The following KCNH2 variants were observed in gnomAD, a reference collection of about 807,000 sequenced individuals.
The protein encoded by KCNH2 is potassium voltage-gated channel subfamily H member 2.
A neutral mutation model predicts 95.9 loss-of-function variants in KCNH2; 35 were observed. The ratio of observed to expected loss-of-function variants is 0.37; its 90% CI spans 0.28 to 0.48. KCNH2 has a LOEUF of 0.48. Among genes scored for constraint, KCNH2 ranks in the 20% least tolerant of loss-of-function variants. KCNH2 has a pLI of 0.99. For missense variants in KCNH2, 1,274 were observed against 1,702.9 expected, an observed-to-expected ratio of 0.75 and a Z score of 4.43; for synonymous variants, 786 against 754.7, an observed-to-expected ratio of 1.04 and a Z score of -0.68.
At position 150,946,405 on chromosome 7, in the gene KCNH2, G is replaced by A. The variant is rs1025713168; in HGVS notation, c.3330+472C>T. Reference sequence around the variant, plus strand: ...GACAGCCACTGCCAAGGGCAAGGATGGGCAGGACGGTGAGACCAGGGAGTG... The same window carrying A: ...GACAGCCACTGCCAAGGGCAAGGATAGGCAGGACGGTGAGACCAGGGAGTG... On this transcript the variant is annotated intron_variant, in intron 14 of 14. Coordinates refer to ENST00000262186, the MANE Select transcript of KCNH2 (RefSeq NM_000238.4). The surrounding 1 kb of genome is among the most constrained non-coding windows in gnomAD (Gnocchi z 6.5). 3.3e-5 allele frequency among the ~76,000 whole-genome samples: 5 copies of A among 152,212 alleles called. No individual in the cohort carries two copies. The highest frequency in any genetic ancestry group is 7.4e-5 in the Non-Finnish European group (5 of 68,026).
chr7:150,976,105 G>T (rs1050988074), intron 1 of KCNH2, among the ~76,000 whole-genome samples: 1 of 152,188 alleles, frequency 6.6e-6, no homozygotes, highest in Non-Finnish European at 1.5e-5. Context: ...AGAAGTTTCC[G>T]GCCACTTTGG....
At chr7:150,958,539 C>G (rs1454818299) in intron 3 of KCNH2, 37 bp from the exon 4 acceptor site, 2 of 1,458,732 alleles carry the variant, frequency 1.4e-6, no homozygotes, top group African/African-American at 2.9e-5. Context: ...GTGGGGATCG[C>G]GAGCAGCCCC....
At chr7:150,950,486 C>T (rs984458584) in intron 8 of KCNH2, 66 bp from the exon 9 acceptor site, 90 of 1,573,916 alleles carry the variant, frequency 5.7e-5, no homozygotes, top group Non-Finnish European at 7.2e-5. Flanking sequence ...CACTCTACTC[C>T]ACCATCCCAC....
chr7:150,949,087 G>C lies in KCNH2; in HGVS notation c.2399-38C>G, dbSNP rs781226855. 8 of 1,586,290 alleles carry C rather than the reference G, an allele frequency of 5.0e-6. No individual in the cohort carries two copies. In the Admixed American group the frequency reaches 1.4e-4, roughly 27 times the overall value. On this transcript the variant is annotated intron_variant, in intron 9 of 14. Coordinates refer to ENST00000262186, the MANE Select transcript of KCNH2 (RefSeq NM_000238.4). Reference sequence around the variant, plus strand: ...GAGAGGACAGGGAGCTCAGCCCCGGGGGGCGGCATCCAGGCAGCAGGCACC... The same window carrying C: ...GAGAGGACAGGGAGCTCAGCCCCGGCGGGCGGCATCCAGGCAGCAGGCACC...
At chr7:150,973,349 T>C (rs955393064) in intron 2 of KCNH2, among the ~76,000 whole-genome samples, 10 of 152,202 alleles carry the variant, frequency 6.6e-5, no homozygotes, top group Non-Finnish European at 1.2e-4. Flanking sequence ...CAACTGCTAT[T>C]TTCTAGCTGT....
intron 2 of KCNH2, among the ~76,000 whole-genome samples, chr7:150,974,204 G>A (rs1327874667): frequency 6.6e-6 from 1 of 152,188 alleles, no homozygotes; most frequent in Non-Finnish European, 1.5e-5. Context: ...CGCAGGGCAG[G>A]AGGGGGGCAG....
In KCNH2 at chr7:150,945,828, A is replaced by C. The variant is rs1165294197; in HGVS notation, c.3331-314T>G. 6.6e-6 allele frequency among the ~76,000 whole-genome samples: 1 copy of C among 152,232 alleles called. No individual in the cohort carries two copies. Among genetic ancestry groups the C allele is most frequent in the Non-Finnish European group, 1.5e-5 (1 of 68,042 alleles). ...CCGAGGGAATGTGGCCGCTGAGCCC[A>C]ACCCAACCTGGAACAAGCAGTCTCT... is the stretch of plus-strand genomic sequence containing the variant. On this transcript the variant is annotated intron_variant, in intron 14 of 14. Transcript: ENST00000262186. The surrounding 1 kb of genome is among the most constrained non-coding windows in gnomAD (Gnocchi z 5.6).
chr7:150,965,418 C>T (rs1023574638), intron 2 of KCNH2, among the ~76,000 whole-genome samples: 22 of 152,130 alleles, frequency 1.4e-4, no homozygotes, highest in African/African-American at 5.3e-4. Context: ...GGGTGGTGCA[C>T]GAACTGGAAG....
rs998525521 is a variant in KCNH2 at position 150,961,393 on chromosome 7, G to A, written c.308-1657C>T. 6.6e-6 allele frequency among the ~76,000 whole-genome samples: 1 copy of A among 151,908 alleles called. No homozygotes were observed. Among genetic ancestry groups the A allele is most frequent in the East Asian group, 1.9e-4 (1 of 5,180 alleles). On this transcript the variant is annotated intron_variant, in intron 2 of 14. Coordinates refer to ENST00000262186, the MANE Select transcript of KCNH2 (RefSeq NM_000238.4). The surrounding 1 kb of genome is among the most constrained non-coding windows in gnomAD (Gnocchi z 6.2). ...GCTCACTGCAACCTCTGCCTCCCAG[G>A]TCCAAGTGATTCTCCTGCCTCAGCC...
In KCNH2 at chr7:150,977,929, GGGCC is replaced by G; in HGVS notation, c.-20_-17del. On this transcript the variant is annotated 5_prime_UTR_variant, in exon 1 of 15. Coordinates refer to ENST00000262186, the MANE Select transcript of KCNH2 (RefSeq NM_000238.4). ...GCACCGGCATCCTGAGCCCATGGGC[GGGCC>G]GGGCGGGCCCCCACCCACCCCGGCC... 1 of 1,576,598 alleles carries G rather than the reference GGGCC, an allele frequency of 6.3e-7. No individual in the cohort carries two copies. Among genetic ancestry groups the G allele is most frequent in the Non-Finnish European group, 8.6e-7 (1 of 1,162,946 alleles).
At position 150,947,678 on chromosome 7, in the gene KCNH2, C is replaced by T. The variant is rs199473015; in HGVS notation, c.2893G>A (p.Gly965Arg). 1.6e-5 allele frequency: 26 copies of T among 1,603,892 alleles called. No individual in the cohort carries two copies. In the South Asian group the frequency reaches 1.9e-4, roughly 12 times the overall value. ...LVPFSSPRPP[G>R]EPPGGEPLME... The stretch of plus-strand genomic sequence containing the variant: ...AGGGGCTCCCCACCCGGCGGCTCTC[C>T]GGGGGGCCTGGGGCTGGAGAAGGGC... Residue 965 changes from glycine to arginine, a missense_variant, in exon 12 of 15, where the codon GGA (glycine) becomes AGA (arginine). This residue lies in a region of KCNH2 where 457 missense variants were observed against 416.1 expected (regional missense o/e 1.10). Transcript: ENST00000262186.
chr7:150,963,207 C>T (rs1219655129), intron 2 of KCNH2, among the ~76,000 whole-genome samples: 3 of 152,254 alleles, frequency 2.0e-5, no homozygotes, highest in Admixed American at 6.5e-5. Flanking sequence ...ACTCAGGGGG[C>T]AGCCAGGACA....
Position 150,952,945 on chromosome 7 carries a change from G to T in KCNH2, c.1129-92C>A. On this transcript the variant is annotated intron_variant, in intron 5 of 14. Transcript: ENST00000262186. The surrounding 1 kb of genome is among the most constrained non-coding windows in gnomAD (Gnocchi z 7.3). ...CATCTCTGCCGGGGCCAAGCAGAAT[G>T]AGGAGGAGGCCAAAAAAAGCTTCCA... 7.8e-7 allele frequency: 1 copy of T among 1,285,150 alleles called. No homozygotes were observed. The highest frequency in any genetic ancestry group is 1.1e-6 in the Non-Finnish European group (1 of 916,666). 79.6% of individuals were successfully genotyped at this position (1,285,150 alleles called of 1,614,324 possible).
chr7:150,947,578 T>C, intron 12 of KCNH2, 28 bp downstream of exon 12: 1 of 1,609,948 alleles, frequency 6.2e-7, no homozygotes, highest in Non-Finnish European at 8.5e-7. Flanking sequence ...CGCCCGGTCC[T>C]CCCTCGCCCG....
intron 4 of KCNH2, 21 bp downstream of exon 4, chr7:150,958,038 C>G: frequency 8.7e-6 from 11 of 1,264,170 alleles, no homozygotes; most frequent in Non-Finnish European, 1.1e-5. Flanking sequence ...TGGGGCGGAA[C>G]GGGTCCCGCG....
In KCNH2 at chr7:150,946,992, G is replaced by C; in HGVS notation, c.3215C>G (p.Thr1072Arg). Residue 1072 changes from threonine (T) to arginine (R), a missense_variant, in exon 14 of 15, where the codon ACG becomes AGG. By Grantham distance (71) the Thr-to-Arg change is moderately conservative (BLOSUM62 -1). Coordinates refer to ENST00000262186, the MANE Select transcript of KCNH2 (RefSeq NM_000238.4). This position sits in a 1 kb window ranked among gnomAD's most constrained non-coding sequence, Gnocchi z 6.5. ...TVLQLLQRQM[T>R]LVPPAYSAVT... Reference sequence around the variant, plus strand: ...AGCACTGTAGGCGGGCGGGACCAGCGTCATCTGCCTCTGTAGCAGCTGCAG... The same window carrying C: ...AGCACTGTAGGCGGGCGGGACCAGCCTCATCTGCCTCTGTAGCAGCTGCAG... 6.2e-7 allele frequency: 1 copy of C among 1,610,876 alleles called. No individual in the cohort carries two copies. The highest frequency in any genetic ancestry group is 8.5e-7 in the Non-Finnish European group (1 of 1,177,922).
chr7:150,945,543 G>T lies in KCNH2; in HGVS notation c.3331-29C>A. 1 of 1,554,958 alleles carries T rather than the reference G, an allele frequency of 6.4e-7. No individual in the cohort carries two copies. Among genetic ancestry groups the T allele is most frequent in the Non-Finnish European group, 8.7e-7 (1 of 1,149,048 alleles). ...CAATACACACAGAGCATGGGCAGGCGAAGAGGCCATGGAGGAGGAGGAAGG... is the reference window on the plus strand; with the variant it reads ...CAATACACACAGAGCATGGGCAGGCTAAGAGGCCATGGAGGAGGAGGAAGG... On this transcript the variant is annotated intron_variant, in intron 14 of 14. Transcript: ENST00000262186. This position sits in a 1 kb window ranked among gnomAD's most constrained non-coding sequence, Gnocchi z 5.6.
At position 150,952,919 on chromosome 7, in the gene KCNH2, A is replaced by G; in HGVS notation, c.1129-66T>C. 1 of 1,493,132 alleles carries G rather than the reference A, an allele frequency of 6.7e-7. No homozygotes were observed. Among genetic ancestry groups the G allele is most frequent in the Non-Finnish European group, 9.2e-7 (1 of 1,084,916 alleles). The allele number at this position is 1,493,132 out of a possible 1,614,324, so 92.5% of individuals were successfully genotyped here. ...TGGGACCTCGGGGGCAGGAGCGATG[A>G]CATCTCTGCCGGGGCCAAGCAGAAT... On this transcript the variant is annotated intron_variant, in intron 5 of 14. Transcript: ENST00000262186. This position sits in a 1 kb window ranked among gnomAD's most constrained non-coding sequence, Gnocchi z 7.3.
At position 150,951,801 on chromosome 7, in the gene KCNH2, C is replaced by T. The variant is rs199473515; in HGVS notation, c.1592G>A (p.Arg531Gln). Residue 531 changes from arginine to glutamine, a missense_variant, in exon 7 of 15, where the codon CGG becomes CAG. Arg to Gln is a conservative substitution (Grantham distance 43). This residue lies in a region of KCNH2 where 147 missense variants were observed against 344.4 expected (regional missense o/e 0.43). Transcript: ENST00000262186. ...IGLLKTARLL[R>Q]LVRVARKLDR... ...CAGCTTCCGCGCCACGCGCACCAGC[C>T]GCAGCAGCCGCGCAGTCTTCAGCAG... 1.3e-6 allele frequency: 2 copies of T among 1,591,518 alleles called. No homozygotes were observed. Among genetic ancestry groups the T allele is most frequent in the East Asian group, 2.2e-5 (1 of 44,524 alleles).
Sources: gnomAD v4.1 joint callset for allele counts (sites outside exome capture counted in the v4.1 genomes callset) on GRCh38, gnomAD v4.1.1 for gene constraint, gnomAD v4.1.1 regional missense constraint, Gnocchi (gnomAD v3.1) non-coding constraint, MANE v1.5 for transcripts, NCBI Gene and HGNC (gene_info 2026-07-23, HGNC 2026-07-21) for gene names.